The following ZFAT variants were observed in gnomAD, a reference collection of about 807,000 sequenced individuals.
The protein encoded by ZFAT is zinc finger protein ZFAT.
In ZFAT, 64 loss-of-function variants were observed where a neutral mutation model predicts 117.7. The observed-to-expected ratio is 0.54, with a 90% CI of 0.44 to 0.67. ZFAT has a LOEUF of 0.67. Ranked by LOEUF, ZFAT falls within the 30% of genes least tolerant of loss-of-function variation. ZFAT has a pLI of 0.00. For synonymous variants in ZFAT, 679 were observed against 615.0 expected (o/e 1.10, Z -1.54); for missense variants, 1,433 against 1,584.5 (o/e 0.90, Z 1.62).
the ZFAT span, among the ~76,000 whole-genome samples, chr8:134,771,754 G>A: frequency 2.0e-5 from 3 of 152,126 alleles, no homozygotes; most frequent in South Asian, 4.1e-4. Flanking sequence ...CCAATTTACT[G>A]TATTAAGTTT....
chr8:134,644,986 TATG>T (rs1184305264), intron 2 of ZFAT, among the ~76,000 whole-genome samples: 3 of 152,008 alleles, frequency 2.0e-5, no homozygotes, highest in African/African-American at 7.3e-5. Flanking sequence ...CACACAGAGA[TATG>T]ATCACACACA....
the ZFAT span, among the ~76,000 whole-genome samples, chr8:134,824,922 G>A: frequency 6.6e-6 from 1 of 152,326 alleles, no homozygotes; most frequent in Non-Finnish European, 1.5e-5. Flanking sequence ...GTGCAGTGCT[G>A]TAAGGCATAG....
intron 15 of ZFAT, among the ~76,000 whole-genome samples, chr8:134,495,096 C>T (rs1818336363): frequency 6.6e-6 from 1 of 152,214 alleles, no homozygotes; most frequent in South Asian, 2.1e-4. Flanking sequence ...TGGGCAATGT[C>T]CCTCAGCATC....
intron 7 of ZFAT, 36 bp downstream of exon 7, chr8:134,600,400 G>C (rs1054249309): frequency 6.4e-7 from 1 of 1,573,550 alleles, no homozygotes; most frequent in Non-Finnish European, 8.7e-7. Context: ...TGAGCACCCA[G>C]GGGAGACGGG....
chr8:134,789,597 C>T, the ZFAT span, among the ~76,000 whole-genome samples: 1 of 152,188 alleles, frequency 6.6e-6, no homozygotes, highest in African/African-American at 2.4e-5. Context: ...GCACTACAGC[C>T]ACCATTTTTT....
At chr8:134,529,731 T>C (rs1374142584) in intron 12 of ZFAT, among the ~76,000 whole-genome samples, 1 of 152,182 alleles carries the variant, frequency 6.6e-6, no homozygotes, top group African/African-American at 2.4e-5. Context: ...CCGCTCCACG[T>C]TGAGGGACAT....
chr8:134,654,853 T>C (rs1218750540), intron 2 of ZFAT, among the ~76,000 whole-genome samples: 1 of 152,156 alleles, frequency 6.6e-6, no homozygotes, highest in African/African-American at 2.4e-5. Flanking sequence ...TTGGGACATT[T>C]CCTGACAAGC....
upstream of ZFAT, among the ~76,000 whole-genome samples, chr8:134,713,887 AC>A (rs1563782390): frequency 9.6e-4 from 4 of 4,170 alleles, no homozygotes; most frequent in Non-Finnish European, 2.1e-3. Flanking sequence ...TCCCTCCCTT[AC>A]CTCTGTCAAT....
chr8:134,669,989 T>C (rs2131259249), intron 1 of ZFAT, among the ~76,000 whole-genome samples: 1 of 151,926 alleles, frequency 6.6e-6, no homozygotes, highest in Admixed American at 6.6e-5. Flanking sequence ...CCAACAAAGA[T>C]CAAAAGAGAC....
At chr8:134,817,532 A>T in the ZFAT span, among the ~76,000 whole-genome samples, 1 of 152,080 alleles carries the variant, frequency 6.6e-6, no homozygotes, top group Non-Finnish European at 1.5e-5. Context: ...AAACTACCAA[A>T]CATTACTGAG....
At chr8:134,493,380 C>G (rs1045955939) in intron 15 of ZFAT, among the ~76,000 whole-genome samples, 1 of 152,192 alleles carries the variant, frequency 6.6e-6, no homozygotes, top group African/African-American at 2.4e-5. Context: ...CTGAGAGGAG[C>G]AATGCAGGCT....
At chr8:134,798,162 A>G in the ZFAT span, 1 of 152,052 alleles carries the variant, frequency 6.6e-6, no homozygotes, top group African/African-American at 2.4e-5. Flanking sequence ...GAAATAAATC[A>G]TAAACAGGGG....
intron 2 of ZFAT, among the ~76,000 whole-genome samples, chr8:134,644,481 C>T (rs1024590128): frequency 1.3e-5 from 2 of 152,060 alleles, no homozygotes; most frequent in South Asian, 2.1e-4. Context: ...AAATCATACA[C>T]GTGCACACAC....
the ZFAT span, chr8:134,793,022 G>A: frequency 6.6e-6 from 1 of 152,158 alleles, no homozygotes; most frequent in East Asian, 1.9e-4. Flanking sequence ...AAAAAAGCGG[G>A]GGTGTGGTGG....
chr8:134,700,073 G>T (rs183742435), intron 1 of ZFAT, among the ~76,000 whole-genome samples: 17 of 152,336 alleles, frequency 1.1e-4, no homozygotes, highest in Admixed American at 2.0e-4. Context: ...GGCTTGCTCA[G>T]CAAGAACTCT....
chr8:134,662,409 G>T (rs1456308866), intron 1 of ZFAT, among the ~76,000 whole-genome samples: 2 of 152,168 alleles, frequency 1.3e-5, no homozygotes, highest in African/African-American at 4.8e-5. Flanking sequence ...AGAGAAGAGG[G>T]GTTGCTCCTG....
intron 11 of ZFAT, among the ~76,000 whole-genome samples, chr8:134,555,288 G>A (rs79738207): frequency 0.023 from 3,443 of 152,160 alleles, 114 homozygotes; most frequent in African/African-American, 0.078. Flanking sequence ...GATCATGTAA[G>A]TACCCTCTGC....
chr8:134,576,625 T>C (rs1274082751), intron 10 of ZFAT, among the ~76,000 whole-genome samples: 1 of 152,228 alleles, frequency 6.6e-6, no homozygotes, highest in South Asian at 2.1e-4. Flanking sequence ...CAAAAGGCCA[T>C]GGAGCTACTT....
At chr8:134,809,841 T>A in the ZFAT span, among the ~76,000 whole-genome samples, 1 of 152,196 alleles carries the variant, frequency 6.6e-6, no homozygotes, top group South Asian at 2.1e-4. Flanking sequence ...CTGACCATAA[T>A]TGAAACCGAC....
Sources: gnomAD v4.1 joint callset for allele counts (sites outside exome capture counted in the v4.1 genomes callset) on GRCh38, gnomAD v4.1.1 for gene constraint, MANE v1.5 for transcripts, NCBI Gene and HGNC (gene_info 2026-07-23, HGNC 2026-07-21) for gene names.